The following ATL3 variants were observed in gnomAD, a reference collection of about 807,000 sequenced individuals.
ATL3 encodes the protein atlastin GTPase 3.
Under a neutral mutation model 69.5 loss-of-function variants are expected in ATL3, and 49 were observed. The observed-to-expected ratio is 0.71, with a 90% CI of 0.56 to 0.89. The LOEUF (loss-of-function observed/expected upper bound fraction) is 0.89. Among genes scored for constraint, ATL3 ranks in the 40% least tolerant of loss-of-function variants. The pLI is 0.00. For missense variants in ATL3, 606 were observed against 645.7 expected, an observed-to-expected ratio of 0.94 and a Z score of 0.67; for synonymous variants, 214 against 224.1, an observed-to-expected ratio of 0.95 and a Z score of 0.40.
chr11:63,632,973 G>A, intron 11 of ATL3, 53 bp downstream of exon 11: 1 of 1,540,224 alleles, frequency 6.5e-7, no homozygotes, highest in Non-Finnish European at 9.0e-7. Context: ...TTTGAAGTCA[G>A]CAACAATGCC....
chr11:63,645,808 C>T (rs1330011798), intron 6 of ATL3, among the ~76,000 whole-genome samples: 2 of 151,780 alleles, frequency 1.3e-5, no homozygotes. Flanking sequence ...TGCTCTGTCG[C>T]CCAGGCTGGA....
At chr11:63,646,681 C>A in intron 5 of ATL3, 118 bp from the exon 6 acceptor site, 2 of 568,262 alleles carry the variant, frequency 3.5e-6, no homozygotes, top group South Asian at 2.3e-5. Flanking sequence ...GTTTCAAAAG[C>A]CCACAGGAGT....
At chr11:63,636,564 C>T (rs570964177) in intron 8 of ATL3, among the ~76,000 whole-genome samples, 52 of 152,058 alleles carry the variant, frequency 3.4e-4, no homozygotes, top group African/African-American at 7.7e-4. Flanking sequence ...CATGGTGAAA[C>T]CCCGTCTCTA....
chr11:63,656,804 G>A (rs147022189), intron 3 of ATL3, among the ~76,000 whole-genome samples: 4 of 150,922 alleles, frequency 2.7e-5, no homozygotes, highest in Non-Finnish European at 5.9e-5. Context: ...AGAAAAATAC[G>A]TTGGCCTAGA....
intron 8 of ATL3, among the ~76,000 whole-genome samples, chr11:63,640,075 T>C (rs916712206): frequency 2.0e-5 from 3 of 151,906 alleles, no homozygotes; most frequent in Non-Finnish European, 2.9e-5. Context: ...ATTACAGGCA[T>C]GTGTCACCAT....
chr11:63,638,385 C>T (rs1254376004), intron 8 of ATL3, among the ~76,000 whole-genome samples: 1 of 152,050 alleles, frequency 6.6e-6, no homozygotes, highest in Non-Finnish European at 1.5e-5. Flanking sequence ...AGTCATCTTG[C>T]ATCTGATGAA....
At chr11:63,646,059 T>A (rs569904341) in intron 6 of ATL3, among the ~76,000 whole-genome samples, 66 of 5,846 alleles carry the variant, frequency 0.011, no homozygotes, top group African/African-American at 0.035. Context: ...CCACTGTACC[T>A]ACCCCCATTT....
At chr11:63,656,201 G>A (rs1187985750) in intron 3 of ATL3, among the ~76,000 whole-genome samples, 1 of 150,702 alleles carries the variant, frequency 6.6e-6, no homozygotes. Context: ...TCCAGCCTGG[G>A]CGACACAGTG....
At chr11:63,663,168 G>T (rs1418832695) in intron 1 of ATL3, among the ~76,000 whole-genome samples, 1 of 152,022 alleles carries the variant, frequency 6.6e-6, no homozygotes, top group African/African-American at 2.4e-5. Flanking sequence ...ACACAGGCTG[G>T]AATGCAGTGG....
intron 5 of ATL3, among the ~76,000 whole-genome samples, chr11:63,648,734 G>A (rs1484251774): frequency 1.3e-5 from 2 of 152,050 alleles, no homozygotes; most frequent in East Asian, 1.9e-4. Context: ...GCTTGAGTCC[G>A]GGAGGTGGAG....
In ATL3 at chr11:63,629,280, G is replaced by T; in HGVS notation, c.*39C>A. 6.5e-7 allele frequency: 1 copy of T among 1,545,750 alleles called. No individual in the cohort carries two copies. On this transcript the variant is annotated 3_prime_UTR_variant, in exon 13 of 13. Transcript: ENST00000398868. The stretch of plus-strand genomic sequence containing the variant: ...GTGGCAGAAACCCAGAAATCAGTAG[G>T]GGCTTGTTGTGTTCTTGTTTGATCT...
In ATL3 at chr11:63,628,404, T is replaced by A. The variant is rs1784037354; in HGVS notation, c.*915A>T. 1.3e-5 allele frequency: 2 copies of A among 152,190 alleles called. No individual in the cohort carries two copies. Among genetic ancestry groups the A allele is most frequent in the Non-Finnish European group, 2.9e-5 (2 of 68,040 alleles). The allele number at this position is 152,190 out of a possible 1,614,324, so 9.4% of individuals were successfully genotyped here. A position where few individuals can be genotyped will look rare whatever the true frequency, so the allele number is the denominator to read the frequency against. On this transcript the variant is annotated 3_prime_UTR_variant, in exon 13 of 13. Coordinates refer to ENST00000398868, the MANE Select transcript of ATL3 (RefSeq NM_015459.5). ...CTCACATTTCAGAGTATGGTATATT[T>A]AAATATGACATGATTTTTCCACACT...
intron 1 of ATL3, among the ~76,000 whole-genome samples, chr11:63,670,932 G>T (rs1940749964): frequency 6.6e-6 from 1 of 152,122 alleles, no homozygotes; most frequent in African/African-American, 2.4e-5. Flanking sequence ...GGCGGGGCTC[G>T]GCGGGGCCGA....
intron 8 of ATL3, among the ~76,000 whole-genome samples, chr11:63,641,240 C>A (rs1284606277): frequency 6.6e-6 from 1 of 152,076 alleles, no homozygotes; most frequent in African/African-American, 2.4e-5. Flanking sequence ...ATTGCTCATA[C>A]AGAATTTGTT....
chr11:63,667,833 T>C (rs867214398), intron 1 of ATL3, among the ~76,000 whole-genome samples: 9 of 151,412 alleles, frequency 5.9e-5, no homozygotes, highest in East Asian at 1.9e-4. Context: ...CATATTGACA[T>C]TGGAGCTGCA....
chr11:63,629,067 A>C lies in ATL3; in HGVS notation c.*252T>G. The C allele has an allele frequency of 2.1e-6, 1 of 472,006 alleles. No individual in the cohort carries two copies. The highest frequency in any genetic ancestry group is 3.5e-5 in the South Asian group (1 of 28,764). 29.2% of individuals were successfully genotyped at this position (472,006 alleles called of 1,614,324 possible). A position where few individuals can be genotyped will look rare whatever the true frequency, so the allele number is the denominator to read the frequency against. ...CTCCTCCATAAAGTGCACAAAGCAG[A>C]GTAATATGAAAATAGACACAGGCTT... On this transcript the variant is annotated 3_prime_UTR_variant, in exon 13 of 13. Coordinates refer to ENST00000398868, the MANE Select transcript of ATL3 (RefSeq NM_015459.5).
At chr11:63,634,836 G>C (rs1219875397) in intron 10 of ATL3, among the ~76,000 whole-genome samples, 1 of 152,072 alleles carries the variant, frequency 6.6e-6, no homozygotes, top group Non-Finnish European at 1.5e-5. Flanking sequence ...GGGCGACACA[G>C]CAAGACCACA....
intron 1 of ATL3, among the ~76,000 whole-genome samples, chr11:63,667,085 T>C (rs1440393759): frequency 2.6e-5 from 4 of 152,214 alleles, no homozygotes; most frequent in African/African-American, 9.6e-5. Flanking sequence ...ATCATTCCCT[T>C]TTCCAGAGTA....
chr11:63,624,826 A>T lies in ATL3; in HGVS notation c.*4493T>A, dbSNP rs1939051675. 1 of 152,192 alleles carries T rather than the reference A, an allele frequency of 6.6e-6. No homozygotes were observed. The highest frequency in any genetic ancestry group is 1.5e-5 in the Non-Finnish European group (1 of 68,038). 9.4% of individuals were successfully genotyped at this position (152,192 alleles called of 1,614,324 possible). A position where few individuals can be genotyped will look rare whatever the true frequency, so the allele number is the denominator to read the frequency against. On this transcript the variant is annotated 3_prime_UTR_variant, in exon 13 of 13. Coordinates refer to ENST00000398868, the MANE Select transcript of ATL3 (RefSeq NM_015459.5). ...GAAAACGCCTGGGGATTGTACTGGC[A>T]AGAGACCACCTATTCTAAACCTCAG...
Sources: gnomAD v4.1 joint callset for allele counts (sites outside exome capture counted in the v4.1 genomes callset) on GRCh38, gnomAD v4.1.1 for gene constraint, MANE v1.5 for transcripts, NCBI Gene and HGNC (gene_info 2026-07-23, HGNC 2026-07-21) for gene names.